The following CHD1L variants were observed in gnomAD, a reference collection of about 807,000 sequenced individuals.
The protein encoded by CHD1L is ATP-dependent chromatin remodeler CHD1L.
A neutral mutation model predicts 115.9 loss-of-function variants in CHD1L; 118 were observed. That is an observed-to-expected ratio of 1.02 (90% CI 0.88 to 1.19). The LOEUF (loss-of-function observed/expected upper bound fraction) is 1.19. CHD1L is among the 50% of genes most tolerant of loss of function. The pLI is 0.00. For missense variants in CHD1L, 1,179 were observed against 1,065.3 expected, an observed-to-expected ratio of 1.11 and a Z score of -1.49; for synonymous variants, 411 against 387.1, an observed-to-expected ratio of 1.06 and a Z score of -0.72.
At chr1:147,209,987 C>T in the CHD1L span, 1 of 152,164 alleles carries the variant, frequency 6.6e-6, no homozygotes, top group African/African-American at 2.4e-5. Flanking sequence ...GAGATAAAGC[C>T]TACACATCCA....
At position 147,280,087 on chromosome 1, in the gene CHD1L, A is replaced by G. The variant is rs1553960779; in HGVS notation, c.1601A>G (p.Asp534Gly). Residue 534 changes from aspartate to glycine, a missense_variant, in exon 15 of 23, where the codon GAT becomes GGT. Transcript: ENST00000369258. ...KLLASEGSTMDEIDLESILGE... is the reference protein window; with the variant it reads ...KLLASEGSTMGEIDLESILGE... ...CTGGCCTCTGAGGGGAGCACCATGGATGAAATAGACCTGGAGTCCATCCTG... is the reference window on the plus strand; with the variant it reads ...CTGGCCTCTGAGGGGAGCACCATGGGTGAAATAGACCTGGAGTCCATCCTG... 1 of 1,614,102 alleles carries G rather than the reference A, an allele frequency of 6.2e-7. No homozygotes were observed. The highest frequency in any genetic ancestry group is 8.5e-7 in the Non-Finnish European group (1 of 1,180,006).
intron 5 of CHD1L, 64 bp downstream of exon 5, chr1:147,256,626 C>T: frequency 6.7e-7 from 1 of 1,501,348 alleles, no homozygotes; most frequent in Non-Finnish European, 9.3e-7. Context: ...GTCTTTCCTT[C>T]ACGTTTTAGT....
chr1:147,279,467 T>C (rs6694347), intron 14 of CHD1L, among the ~76,000 whole-genome samples: 12,419 of 152,022 alleles, frequency 0.082, 642 homozygotes, highest in East Asian at 0.16. Flanking sequence ...AAATTCAAAC[T>C]GAGAAAAGGC....
chr1:147,237,765 G>T (rs1664629984), upstream of CHD1L, among the ~76,000 whole-genome samples: 1 of 152,180 alleles, frequency 6.6e-6, no homozygotes, highest in Non-Finnish European at 1.5e-5. Flanking sequence ...TTACACTGCT[G>T]GTTGGAGAAC....
chr1:147,275,340 T>G lies in CHD1L; in HGVS notation c.1271-14T>G. 6.3e-7 allele frequency: 1 copy of G among 1,593,998 alleles called. No individual in the cohort carries two copies. Among genetic ancestry groups the G allele is most frequent in the Admixed American group, 1.7e-5 (1 of 59,996 alleles). On this transcript the variant is annotated splice_polypyrimidine_tract_variant and intron_variant, in intron 12 of 22. Coordinates refer to ENST00000369258, the MANE Select transcript of CHD1L (RefSeq NM_004284.6). ...TTGTGCTGCTGATTACATTCCTTTT[T>G]GCATTGTTTTCAGGTGGAGTTGGCA...
At chr1:147,210,806 AT>A in the CHD1L span, 1 of 152,204 alleles carries the variant, frequency 6.6e-6, no homozygotes, top group South Asian at 2.1e-4. Flanking sequence ...TTTTCCATCT[AT>A]ACCTTGTTTT....
intron 14 of CHD1L, among the ~76,000 whole-genome samples, chr1:147,278,386 A>G (rs1199054366): frequency 3.3e-5 from 5 of 151,666 alleles, no homozygotes; most frequent in Non-Finnish European, 5.9e-5. Flanking sequence ...CACCACGCCT[A>G]GCTAATTTTT....
At chr1:147,248,216 T>TTC (rs1284009837) in intron 1 of CHD1L, among the ~76,000 whole-genome samples, 1 of 151,600 alleles carries the variant, frequency 6.6e-6, no homozygotes, top group Non-Finnish European at 1.5e-5. Flanking sequence ...TCTTATTTTT[T>TTC]TTTTCTTTGA....
the CHD1L span, among the ~76,000 whole-genome samples, chr1:147,192,896 C>A: frequency 6.6e-6 from 1 of 152,144 alleles, no homozygotes; most frequent in South Asian, 2.1e-4. Flanking sequence ...TTTTGATGAG[C>A]TGCTGGATTC....
chr1:147,194,258 T>G, the CHD1L span, among the ~76,000 whole-genome samples: 2 of 152,094 alleles, frequency 1.3e-5, no homozygotes, highest in East Asian at 1.9e-4. Flanking sequence ...TTACCATTAT[T>G]TAATGGCCTT....
intron 7 of CHD1L, 100 bp from the exon 8 acceptor site, chr1:147,265,832 T>A: frequency 8.9e-7 from 1 of 1,125,274 alleles, no homozygotes; most frequent in Non-Finnish European, 1.2e-6. Context: ...AAAATAAGCG[T>A]GAAATAAGAA....
the CHD1L span, chr1:147,178,968 G>A: frequency 6.2e-7 from 1 of 1,613,000 alleles, no homozygotes; most frequent in Non-Finnish European, 8.5e-7. Context: ...GGGTAATGAT[G>A]GTGGCAAAGA....
chr1:147,233,393 C>CA, the CHD1L span, among the ~76,000 whole-genome samples: 9 of 149,876 alleles, frequency 6.0e-5, 1 homozygote, highest in South Asian at 1.3e-3. Flanking sequence ...GCCCCCCGCC[C>CA]GGCCAGCCGC....
chr1:147,191,132 C>T, the CHD1L span, among the ~76,000 whole-genome samples: 4 of 152,142 alleles, frequency 2.6e-5, no homozygotes, highest in Non-Finnish European at 4.4e-5. Context: ...TGAATAGTGC[C>T]GCAATAAACA....
chr1:147,174,598 A>G, the CHD1L span: 1 of 152,240 alleles, frequency 6.6e-6, no homozygotes, highest in Non-Finnish European at 1.5e-5. Flanking sequence ...AAGTCACTCA[A>G]CAGTTAATAA....
intron 18 of CHD1L, 82 bp from the exon 19 acceptor site, chr1:147,287,553 C>T (rs1371342516): frequency 3.8e-5 from 34 of 898,946 alleles, no homozygotes; most frequent in Non-Finnish European, 5.4e-5. Flanking sequence ...TTCCACAAGT[C>T]CCTTTTGTGT....
the CHD1L span, chr1:147,201,233 T>C: frequency 1.2e-6 from 2 of 1,614,164 alleles, no homozygotes; most frequent in Non-Finnish European, 1.7e-6. Flanking sequence ...AAGCCTATGA[T>C]TGCAAGAGTT....
At chr1:147,197,854 C>G in the CHD1L span, among the ~76,000 whole-genome samples, 1 of 152,136 alleles carries the variant, frequency 6.6e-6, no homozygotes, top group Non-Finnish European at 1.5e-5. Flanking sequence ...GCTTCTCCAG[C>G]CCCTAGCAGA....
the CHD1L span, among the ~76,000 whole-genome samples, chr1:147,220,298 G>T: frequency 6.6e-6 from 1 of 152,188 alleles, no homozygotes; most frequent in African/African-American, 2.4e-5. Context: ...GAAAGTCTAA[G>T]ATTTAAATAA....
Sources: allele counts gnomAD v4.1 joint callset (sites outside exome capture counted in the v4.1 genomes callset), GRCh38; gene constraint gnomAD v4.1.1; transcripts MANE v1.5; gene names NCBI Gene and HGNC (gene_info 2026-07-23, HGNC 2026-07-21).